NSUN6: variants seen among roughly 807,000 people sequenced by gnomAD.
NSUN6 encodes the protein NOP2/Sun RNA methyltransferase 6.
In NSUN6, 64 loss-of-function variants were observed where a neutral mutation model predicts 58.0. The observed-to-expected ratio is 1.10, with a 90% CI of 0.90 to 1.36. The LOEUF (loss-of-function observed/expected upper bound fraction) is 1.36. Among genes scored for constraint, NSUN6 ranks in the 40% most tolerant of loss-of-function variants. NSUN6 has a pLI of 0.00. For synonymous variants in NSUN6, 231 were observed against 193.9 expected (o/e 1.19, Z -1.59); for missense variants, 701 against 550.1 (o/e 1.27, Z -2.74).
rs1196422484 is a variant in NSUN6 at position 18,545,700 on chromosome 10, T to C, written c.*233A>G. ...ATCTATAGGCATCTGCTTTTCTTTA[T>C]ACTCTACTAAATACATAAAAAAAAA... is the stretch of plus-strand genomic sequence containing the variant. On this transcript the variant is annotated 3_prime_UTR_variant, in exon 11 of 11. Coordinates refer to ENST00000377304, the MANE Select transcript of NSUN6 (RefSeq NM_182543.5). The C allele has an allele frequency of 2.5e-6, 1 of 401,876 alleles. No homozygotes were observed. Among genetic ancestry groups the C allele is most frequent in the Non-Finnish European group, 4.4e-6 (1 of 229,662 alleles). The allele number at this position is 401,876 out of a possible 1,614,324, so 24.9% of individuals were successfully genotyped here.
upstream of NSUN6, among the ~76,000 whole-genome samples, chr10:18,658,827 C>A (rs953042914): frequency 1.8e-4 from 27 of 152,142 alleles, no homozygotes; most frequent in African/African-American, 6.5e-4. Context: ...CACAGCCCGA[C>A]CTCGTCTGCA....
intron 3 of NSUN6, among the ~76,000 whole-genome samples, chr10:18,618,228 A>G (rs1019273795): frequency 6.6e-6 from 1 of 152,184 alleles, no homozygotes; most frequent in African/African-American, 2.4e-5. Flanking sequence ...GTGTTCTGCA[A>G]CTTCACTCTG....
At chr10:18,557,718 G>A (rs886192716) in intron 8 of NSUN6, among the ~76,000 whole-genome samples, 1 of 150,234 alleles carries the variant, frequency 6.7e-6, no homozygotes, top group Admixed American at 6.6e-5. Flanking sequence ...ATGGAATGGA[G>A]AATGGAATGG....
At chr10:18,619,321 A>ACGGCTG (rs2058518892) in intron 3 of NSUN6, among the ~76,000 whole-genome samples, 1 of 152,206 alleles carries the variant, frequency 6.6e-6, no homozygotes, top group African/African-American at 2.4e-5. Flanking sequence ...GAGGGAACTT[A>ACGGCTG]CGGCTGCGCA....
intron 3 of NSUN6, among the ~76,000 whole-genome samples, chr10:18,638,397 G>A (rs550660651): frequency 2.6e-5 from 4 of 152,166 alleles, no homozygotes; most frequent in East Asian, 1.9e-4. Flanking sequence ...AGCCAAGATC[G>A]TGCCACTGCA....
intron 10 of NSUN6, 95 bp from the exon 11 acceptor site, chr10:18,546,240 G>A (rs945802351): frequency 6.9e-6 from 6 of 866,644 alleles, no homozygotes; most frequent in African/African-American, 5.0e-5. Context: ...GGGCTGTAAC[G>A]ACTACATCTT....
Position 18,614,604 on chromosome 10 carries a change from G to T in NSUN6, c.431C>A (p.Ala144Asp). 1 of 1,405,402 alleles carries T rather than the reference G, an allele frequency of 7.1e-7. No homozygotes were observed. Among genetic ancestry groups the T allele is most frequent in the Non-Finnish European group, 9.6e-7 (1 of 1,046,884 alleles). 87.1% of individuals were successfully genotyped at this position (1,405,402 alleles called of 1,614,324 possible). A position where few individuals can be genotyped will look rare whatever the true frequency, so the allele number is the denominator to read the frequency against. ...GIVSASQFMK[A>D]GDVISVYSDI... ...AGAGTATACAGAAATAACATCTCCA[G>T]CTTTCATAACTAGAGAAAGAAGAAA... Residue 144 changes from alanine to aspartate, a missense_variant, in exon 5 of 11, where the codon GCT becomes GAT. Coordinates refer to ENST00000377304, the MANE Select transcript of NSUN6 (RefSeq NM_182543.5).
chr10:18,594,717 C>T (rs930695841), intron 7 of NSUN6, among the ~76,000 whole-genome samples: 6 of 152,064 alleles, frequency 3.9e-5, no homozygotes, highest in South Asian at 4.1e-4. Context: ...ATTTCTATTC[C>T]GGTTGTTCGT....
intron 8 of NSUN6, among the ~76,000 whole-genome samples, chr10:18,560,399 A>G (rs1279564784): frequency 6.6e-6 from 1 of 151,156 alleles, no homozygotes; most frequent in Non-Finnish European, 1.5e-5. Context: ...GCAATGAAAT[A>G]GAGAATGAAG....
At chr10:18,654,236 C>T (rs2059753897), upstream of NSUN6, among the ~76,000 whole-genome samples, 1 of 152,104 alleles carries the variant, frequency 6.6e-6, no homozygotes, top group Non-Finnish European at 1.5e-5. Context: ...GCTGGTATTA[C>T]AGGTGCCTGC....
At chr10:18,635,762 C>T (rs1208502939) in intron 3 of NSUN6, among the ~76,000 whole-genome samples, 3 of 151,260 alleles carry the variant, frequency 2.0e-5, no homozygotes, top group Admixed American at 6.6e-5. Flanking sequence ...CACTTGAACC[C>T]GGGAGGCAGG....
At chr10:18,574,904 C>T (rs2056573190) in intron 8 of NSUN6, among the ~76,000 whole-genome samples, 2 of 152,062 alleles carry the variant, frequency 1.3e-5, no homozygotes, top group Admixed American at 6.6e-5. Flanking sequence ...TTTTGAAAGT[C>T]GAGGAAATAA....
intron 3 of NSUN6, among the ~76,000 whole-genome samples, chr10:18,625,657 G>A (rs1168358645): frequency 2.1e-5 from 3 of 143,208 alleles, no homozygotes; most frequent in Non-Finnish European, 4.5e-5. Flanking sequence ...AAGCTGCAGT[G>A]AGCCGAGATC....
At chr10:18,608,208 A>T (rs1003049954) in intron 6 of NSUN6, among the ~76,000 whole-genome samples, 2 of 152,240 alleles carry the variant, frequency 1.3e-5, no homozygotes, top group Admixed American at 6.5e-5. Context: ...GACAGTATGA[A>T]TCACAAAATG....
upstream of NSUN6, among the ~76,000 whole-genome samples, chr10:18,654,084 G>C (rs1434151221): frequency 6.6e-6 from 1 of 152,094 alleles, no homozygotes; most frequent in Non-Finnish European, 1.5e-5. Flanking sequence ...ATTTTAAAAG[G>C]TTGATAAAAC....
chr10:18,595,347 A>T (rs966092486), intron 7 of NSUN6, among the ~76,000 whole-genome samples: 2 of 152,240 alleles, frequency 1.3e-5, no homozygotes, highest in Admixed American at 1.3e-4. Context: ...CTAAGAGAGA[A>T]CCAAATCTCT....
chr10:18,572,500 A>T (rs1301408700), intron 8 of NSUN6, among the ~76,000 whole-genome samples: 1 of 140,806 alleles, frequency 7.1e-6, no homozygotes, highest in Admixed American at 7.0e-5. Flanking sequence ...TCCACTCCCC[A>T]TTCCATTCTG....
chr10:18,659,297 G>C (rs763699515), upstream of NSUN6: 1 of 290,366 alleles, frequency 3.4e-6, no homozygotes, highest in Non-Finnish European at 6.4e-6. Context: ...CCGTCGTCAC[G>C]CGCCTAGCTT....
At chr10:18,592,807 C>T (rs1436184066) in intron 7 of NSUN6, among the ~76,000 whole-genome samples, 21 of 152,138 alleles carry the variant, frequency 1.4e-4, no homozygotes, top group African/African-American at 5.1e-4. Flanking sequence ...TAGGCAAGGA[C>T]TTCATGACTA....
Sources: allele counts gnomAD v4.1 joint callset (sites outside exome capture counted in the v4.1 genomes callset), GRCh38; gene constraint gnomAD v4.1.1; transcripts MANE v1.5; gene names NCBI Gene and HGNC (gene_info 2026-07-23, HGNC 2026-07-21).